The following MYO1D variants were observed in gnomAD, a reference collection of about 807,000 sequenced individuals.
MYO1D encodes myosin ID, also known as unconventional myosin-Id.
Under a neutral mutation model 122.0 loss-of-function variants are expected in MYO1D, and 83 were observed. That is an observed-to-expected ratio of 0.68 (90% CI 0.57 to 0.82). The LOEUF is 0.82. MYO1D is among the 40% of genes least tolerant of loss of function. The pLI is 0.00. For synonymous variants in MYO1D, 464 were observed against 446.9 expected (o/e 1.04, Z -0.48); for missense variants, 1,157 against 1,269.5 (o/e 0.91, Z 1.35).
At chr17:32,868,027 T>C (rs2091144738) in intron 1 of MYO1D, among the ~76,000 whole-genome samples, 1 of 152,140 alleles carries the variant, frequency 6.6e-6, no homozygotes, top group African/African-American at 2.4e-5. Flanking sequence ...TAAAATAGTT[T>C]AGAAATCTCT....
intron 14 of MYO1D, among the ~76,000 whole-genome samples, chr17:32,731,333 A>G (rs2089636833): frequency 6.6e-6 from 1 of 152,176 alleles, no homozygotes. Flanking sequence ...AAACCTATCC[A>G]TTGAATTTTT....
At chr17:32,844,748 T>C (rs375980940) in intron 1 of MYO1D, among the ~76,000 whole-genome samples, 1 of 152,216 alleles carries the variant, frequency 6.6e-6, no homozygotes, top group South Asian at 2.1e-4. Flanking sequence ...TATAATGTAA[T>C]ATAGTTTTAT....
chr17:32,642,124 C>T (rs368361057), intron 19 of MYO1D, among the ~76,000 whole-genome samples: 1 of 138,280 alleles, frequency 7.2e-6, no homozygotes, highest in Non-Finnish European at 1.6e-5. Flanking sequence ...GTAAGGAAGG[C>T]ATCCAGTTTC....
At chr17:32,668,100 T>C (rs1022519644) in intron 16 of MYO1D, among the ~76,000 whole-genome samples, 1 of 152,232 alleles carries the variant, frequency 6.6e-6, no homozygotes, top group African/African-American at 2.4e-5. Flanking sequence ...AAGTGACTGC[T>C]TTCTTTTGTT....
rs574574890 is a variant in MYO1D, at chr17:32,495,536, A to G, written c.2865-621T>C. ...GGAAGCCCCGCTGGCCTGGGAGCAC[A>G]TGAAGGCGGCTTCAGCCGGGCGTCC... On this transcript the variant is annotated intron_variant, in intron 21 of 21. Transcript: ENST00000318217. The G allele has an allele frequency of 2.0e-5, 3 of 152,646 alleles. No individual in the cohort carries two copies. The East Asian group carries it at 5.8e-4, about 29-fold the overall frequency. 9.5% of individuals were successfully genotyped at this position (152,646 alleles called of 1,614,324 possible). A position where few individuals can be genotyped will look rare whatever the true frequency, so the allele number is the denominator to read the frequency against.
At chr17:32,844,444 T>A (rs1418950181) in intron 1 of MYO1D, among the ~76,000 whole-genome samples, 2 of 147,932 alleles carry the variant, frequency 1.4e-5, no homozygotes, top group East Asian at 3.9e-4. Context: ...TGTATATATA[T>A]AATATGTGGC....
chr17:32,551,563 C>CACAA (rs1491473480), intron 21 of MYO1D, among the ~76,000 whole-genome samples: 5 of 74,388 alleles, frequency 6.7e-5, no homozygotes, highest in Non-Finnish European at 1.7e-4. Context: ...CTGCCACACA[C>CACAA]ACACACACAC....
chr17:32,496,507 C>T (rs1454240418), intron 21 of MYO1D, among the ~76,000 whole-genome samples: 1 of 152,236 alleles, frequency 6.6e-6, no homozygotes, highest in Non-Finnish European at 1.5e-5. Flanking sequence ...CTCAGGCCCT[C>T]TTCTACTCTT....
chr17:32,876,595 G>A (rs1436813799), intron 1 of MYO1D, among the ~76,000 whole-genome samples, 183 bp downstream of exon 1: 1 of 152,092 alleles, frequency 6.6e-6, no homozygotes, highest in East Asian at 1.9e-4. Flanking sequence ...GCACCCCAGG[G>A]GCGTCCGCTC....
At chr17:32,510,953 A>T (rs1427032674) in intron 21 of MYO1D, 1 of 94,572 alleles carries the variant, frequency 1.1e-5, no homozygotes, top group African/African-American at 3.4e-5. Flanking sequence ...CTCAAGTATG[A>T]GGGAAGAAAA....
chr17:32,544,207 C>T (rs575221760), intron 21 of MYO1D, among the ~76,000 whole-genome samples: 79 of 151,082 alleles, frequency 5.2e-4, no homozygotes, highest in African/African-American at 1.7e-3. Flanking sequence ...GTGATCCTCC[C>T]GCCTCAGCCT....
At chr17:32,801,996 G>A (rs116993959) in intron 1 of MYO1D, among the ~76,000 whole-genome samples, 1 of 152,330 alleles carries the variant, frequency 6.6e-6, no homozygotes, top group East Asian at 1.9e-4. Context: ...AAAATAAGGA[G>A]AATCAATTCA....
intron 1 of MYO1D, among the ~76,000 whole-genome samples, chr17:32,792,065 G>A (rs901017443): frequency 1.3e-5 from 2 of 151,986 alleles, no homozygotes; most frequent in African/African-American, 4.8e-5. Context: ...CCATTTCATG[G>A]GTGATTATAC....
intron 21 of MYO1D, among the ~76,000 whole-genome samples, chr17:32,549,012 C>T (rs927175496): frequency 8.5e-5 from 13 of 152,090 alleles, no homozygotes; most frequent in Non-Finnish European, 1.2e-4. Context: ...CGCGCCTGGC[C>T]GACTTTTAAT....
intron 19 of MYO1D, among the ~76,000 whole-genome samples, chr17:32,646,106 A>G (rs1266825475): frequency 6.6e-6 from 1 of 152,116 alleles, no homozygotes; most frequent in African/African-American, 2.4e-5. Context: ...TCTGTTTGTT[A>G]GTTTTCCTTC....
chr17:32,747,535 C>T (rs1251869923), intron 12 of MYO1D, among the ~76,000 whole-genome samples: 1 of 152,048 alleles, frequency 6.6e-6, no homozygotes, highest in African/African-American at 2.4e-5. Context: ...TCAAATGTCA[C>T]TTTAAAATAG....
Position 32,549,533 on chromosome 17 carries a change from T to C in MYO1D, c.2865-54618A>G, listed in dbSNP as rs141285983. Among the ~76,000 whole-genome samples the C allele has an allele frequency of 3.0e-4, 45 of 152,324 alleles. 1 individual carries two copies. The highest frequency in any genetic ancestry group is 1.1e-3 in the African/African-American group (45 of 41,588). On this transcript the variant is annotated intron_variant, in intron 21 of 21. Coordinates refer to ENST00000318217, the MANE Select transcript of MYO1D (RefSeq NM_015194.3). ...CTAATTTACGAAGCTCTGTTTTCCG[T>C]AGTGTTAATGTCACTTCTGTTTGTG...
rs1422715409 is a variant in MYO1D at position 32,712,052 on chromosome 17, G to A, written c.2057C>T (p.Thr686Ile). The stretch of plus-strand genomic sequence containing the variant: ...ACGGAGTTCTTCCAAGGTAAACAAT[G>A]TTCGGGGTGTTCGAATGAAAATTTT... ...KTKIFIRTPR[T>I]LFTLEELRAQ... Residue 686 changes from threonine to isoleucine, a missense_variant, in exon 16 of 22, where the codon ACA becomes ATA. Thr to Ile is a moderately conservative substitution (Grantham distance 89, BLOSUM62 -1). Coordinates refer to ENST00000318217, the MANE Select transcript of MYO1D (RefSeq NM_015194.3). 7.4e-6 allele frequency: 12 copies of A among 1,614,014 alleles called. No individual in the cohort carries two copies. Among genetic ancestry groups the A allele is most frequent in the Non-Finnish European group, 1.0e-5 (12 of 1,180,024 alleles).
At chr17:32,784,496 G>A (rs1157731128) in intron 1 of MYO1D, among the ~76,000 whole-genome samples, 1 of 151,004 alleles carries the variant, frequency 6.6e-6, no homozygotes, top group Admixed American at 6.6e-5. Context: ...TAAATTAATA[G>A]CAATTGATTT....
Sources: allele counts gnomAD v4.1 joint callset (sites outside exome capture counted in the v4.1 genomes callset), GRCh38; gene constraint gnomAD v4.1.1; transcripts MANE v1.5; gene names NCBI Gene and HGNC (gene_info 2026-07-23, HGNC 2026-07-21).